The following ZRANB3 variants were observed in gnomAD, a reference collection of about 807,000 sequenced individuals.
ZRANB3 encodes DNA annealing helicase and endonuclease ZRANB3.
ZRANB3 carries 125 observed loss-of-function variants against 133.8 expected under a neutral mutation model. The ratio of observed to expected loss-of-function variants is 0.93; its 90% CI spans 0.81 to 1.08. The LOEUF is 1.08. Among genes scored for constraint, ZRANB3 ranks in the 50% least tolerant of loss-of-function variants. The pLI is 0.00. For missense variants in ZRANB3, 1,229 were observed against 1,275.5 expected (o/e 0.96, Z 0.56); for synonymous variants, 387 against 432.7 (o/e 0.89, Z 1.31).
At chr2:135,216,087 CTT>C (rs201151682) in intron 17 of ZRANB3, among the ~76,000 whole-genome samples, 34 of 145,586 alleles carry the variant, frequency 2.3e-4, no homozygotes, top group Admixed American at 6.8e-4. Context: ...GTCTCCATCC[CTT>C]TTTTTTTTTT....
chr2:135,436,328 T>G (rs186767443), intron 2 of ZRANB3, among the ~76,000 whole-genome samples: 341 of 152,340 alleles, frequency 2.2e-3, no homozygotes, highest in African/African-American at 6.0e-3. Flanking sequence ...TTGGTCTATG[T>G]GCCTGTTTTG....
intron 8 of ZRANB3, among the ~76,000 whole-genome samples, chr2:135,288,231 A>C (rs931498071): frequency 2.0e-5 from 3 of 152,142 alleles, no homozygotes; most frequent in African/African-American, 7.2e-5. Context: ...GTGGTGTATC[A>C]CATTTATTGG....
rs753286808 is a variant in ZRANB3 at position 135,275,622 on chromosome 2, A to T, written c.1086+14T>A. ...GCATTCTAAAAAGTATTTAGTTAAA[A>T]AATGGCAACATACCTTATTTTCGAT... On this transcript the variant is annotated intron_variant, in intron 9 of 20. Coordinates refer to ENST00000264159, the MANE Select transcript of ZRANB3 (RefSeq NM_032143.4). 6.4e-7 allele frequency: 1 copy of T among 1,563,006 alleles called. No individual in the cohort carries two copies. Among genetic ancestry groups the T allele is most frequent in the South Asian group, 1.2e-5 (1 of 81,626 alleles).
At chr2:135,321,139 T>G (rs1395382769) in intron 6 of ZRANB3, among the ~76,000 whole-genome samples, 1 of 152,200 alleles carries the variant, frequency 6.6e-6, no homozygotes, top group Admixed American at 6.5e-5. Flanking sequence ...TGAACATATG[T>G]TTTCATTTAT....
Position 135,219,170 on chromosome 2 carries a change from T to C in ZRANB3, c.2259A>G (p.Lys753=), listed in dbSNP as rs16831460. The C allele has an allele frequency of 0.025, 38,096 of 1,521,932 alleles. 1,387 individuals are homozygous for C. The highest frequency in any genetic ancestry group is 0.16 in the African/African-American group (11,418 of 71,222). The allele number at this position is 1,521,932 out of a possible 1,614,324, so 94.3% of individuals were successfully genotyped here. ...DRIHIYTKDG[K]QMSCNFIPLD... ...GAGGAATGAAATTACAGCTCATCTG[T>C]TTTCCATCCTGATGATAGATTAGGA... The change falls in exon 16 of 21, where the codon AAA becomes AAG. Residue 753 remains lysine, a synonymous_variant. Coordinates refer to ENST00000264159, the MANE Select transcript of ZRANB3 (RefSeq NM_032143.4).
intron 2 of ZRANB3, among the ~76,000 whole-genome samples, chr2:135,452,595 G>C (rs1690324105): frequency 6.6e-6 from 1 of 152,164 alleles, no homozygotes; most frequent in Non-Finnish European, 1.5e-5. Context: ...GTTCCAAATG[G>C]AGGAATTGGC....
intron 8 of ZRANB3, among the ~76,000 whole-genome samples, chr2:135,290,042 C>T (rs927379939): frequency 2.0e-5 from 3 of 152,156 alleles, no homozygotes; most frequent in Admixed American, 1.3e-4. Flanking sequence ...AGAATGTTCT[C>T]TAAATATCTG....
At chr2:135,505,326 A>G (rs1282656816) in intron 1 of ZRANB3, among the ~76,000 whole-genome samples, 1 of 152,182 alleles carries the variant, frequency 6.6e-6, no homozygotes, top group Non-Finnish European at 1.5e-5. Flanking sequence ...CTGTAATCCT[A>G]GCACTCTGGG....
intron 3 of ZRANB3, among the ~76,000 whole-genome samples, chr2:135,354,257 A>G (rs1685333223): frequency 6.6e-6 from 1 of 152,208 alleles, no homozygotes; most frequent in South Asian, 2.1e-4. Context: ...ATGTCTTAAC[A>G]GCACAAAACC....
chr2:135,395,444 T>TTC (rs1173231669), intron 2 of ZRANB3, among the ~76,000 whole-genome samples: 2 of 143,576 alleles, frequency 1.4e-5, no homozygotes, highest in African/African-American at 5.0e-5. Flanking sequence ...AAAGATTTCT[T>TTC]TTTTTTTTTT....
chr2:135,263,575 C>A (rs1405751367), intron 12 of ZRANB3, among the ~76,000 whole-genome samples: 1 of 151,990 alleles, frequency 6.6e-6, no homozygotes, highest in Non-Finnish European at 1.5e-5. Flanking sequence ...AATTCCAAGT[C>A]TGGAGCAAAA....
At chr2:135,480,999 T>C (rs1471725277) in intron 2 of ZRANB3, among the ~76,000 whole-genome samples, 1 of 151,742 alleles carries the variant, frequency 6.6e-6, no homozygotes, top group Non-Finnish European at 1.5e-5. Context: ...CACATTTTCT[T>C]AATCCAGTCT....
At chr2:135,503,527 C>T (rs541885659) in intron 2 of ZRANB3, among the ~76,000 whole-genome samples, 1 of 152,104 alleles carries the variant, frequency 6.6e-6, no homozygotes, top group Non-Finnish European at 1.5e-5. Flanking sequence ...TATAGAAAAC[C>T]ATATAATGGC....
At chr2:135,363,453 G>A (rs1473292197) in intron 3 of ZRANB3, among the ~76,000 whole-genome samples, 1 of 152,206 alleles carries the variant, frequency 6.6e-6, no homozygotes, top group African/African-American at 2.4e-5. Context: ...AAAATTTGAA[G>A]TTCAGAAATA....
chr2:135,421,528 T>C (rs1180112872), intron 2 of ZRANB3, among the ~76,000 whole-genome samples: 1 of 152,184 alleles, frequency 6.6e-6, no homozygotes, highest in African/African-American at 2.4e-5. Context: ...ACTTTAAAGC[T>C]TCCATTAGTC....
chr2:135,347,548 C>G (rs1470708291), intron 5 of ZRANB3, among the ~76,000 whole-genome samples: 1 of 152,196 alleles, frequency 6.6e-6, no homozygotes, highest in African/African-American at 2.4e-5. Flanking sequence ...TCCCAAAGTG[C>G]TGGGATCACA....
chr2:135,521,301 C>A (rs1693929847), intron 1 of ZRANB3, among the ~76,000 whole-genome samples: 1 of 152,140 alleles, frequency 6.6e-6, no homozygotes, highest in Non-Finnish European at 1.5e-5. Flanking sequence ...GTAATCCCAG[C>A]ACTTTGGGAG....
At position 135,526,022 on chromosome 2, in the gene ZRANB3, T is replaced by A. The variant is rs145065862; in HGVS notation, c.-8+5105A>T. Among the ~76,000 whole-genome samples, 65 of 152,196 alleles carry A rather than the reference T, an allele frequency of 4.3e-4. No individual in the cohort carries two copies. In the East Asian group the frequency reaches 0.011, roughly 26 times the overall value. ...AATTCAGAAACAGAAAGTGGAATGG[T>A]GGCTGTGGTGCAAAGGATACAGGGG... On this transcript the variant is annotated intron_variant, in intron 1 of 20. Coordinates refer to ENST00000264159, the MANE Select transcript of ZRANB3 (RefSeq NM_032143.4).
chr2:135,262,137 C>T (rs556440997), intron 12 of ZRANB3, among the ~76,000 whole-genome samples: 1 of 123,764 alleles, frequency 8.1e-6, no homozygotes, highest in Non-Finnish European at 1.6e-5. Flanking sequence ...TCCAGCCTGG[C>T]GACAGAGTGA....
Sources: gnomAD v4.1 joint callset for allele counts (sites outside exome capture counted in the v4.1 genomes callset) on GRCh38, gnomAD v4.1.1 for gene constraint, MANE v1.5 for transcripts, NCBI Gene and HGNC (gene_info 2026-07-23, HGNC 2026-07-21) for gene names.